Variants in PCDHA2 observed in about 807,000 individuals in gnomAD.
PCDHA2 encodes the protein protocadherin alpha-2.
Under a neutral mutation model 66.0 loss-of-function variants are expected in PCDHA2, and 58 were observed. The ratio of observed to expected loss-of-function variants is 0.88; its 90% CI spans 0.71 to 1.09. PCDHA2 has a LOEUF of 1.09. PCDHA2 is among the 50% of genes least tolerant of loss of function. The pLI, the probability that PCDHA2 is intolerant of heterozygous loss-of-function variation, is 0.00. For synonymous variants in PCDHA2, 634 were observed against 554.0 expected (o/e 1.14, Z -2.03); for missense variants, 1,267 against 1,242.3 (o/e 1.02, Z -0.30).
intron 1 of PCDHA2, chr5:140,803,077 A>T (rs782345607): frequency 2.5e-6 from 4 of 1,613,816 alleles, no homozygotes; most frequent in Non-Finnish European, 3.4e-6. Context: ...GTGGGGCTGT[A>T]CACGGGAGAG....
Position 141,010,344 on chromosome 5 carries a change from G to A in PCDHA2, c.*407G>A, listed in dbSNP as rs1011321402. On this transcript the variant is annotated 3_prime_UTR_variant, in exon 4 of 4. Coordinates refer to ENST00000526136, the MANE Select transcript of PCDHA2 (RefSeq NM_018905.3). Reference sequence around the variant, plus strand: ...CAGCTTGGGAGTTTGTGGCCACTGGGTATGTGTGGCTACCGCGGGTATGCG... The same window carrying A: ...CAGCTTGGGAGTTTGTGGCCACTGGATATGTGTGGCTACCGCGGGTATGCG... 3 of 1,518,888 alleles carry A rather than the reference G, an allele frequency of 2.0e-6. No homozygotes were observed. The Admixed American group carries it at 6.4e-5, about 33-fold the overall frequency. 94.1% of individuals were successfully genotyped at this position (1,518,888 alleles called of 1,614,324 possible).
At chr5:140,829,666 C>T in intron 1 of PCDHA2, 2 of 1,612,840 alleles carry the variant, frequency 1.2e-6, no homozygotes, top group Non-Finnish European at 1.7e-6. Flanking sequence ...CGCTGGACCA[C>T]GAGGAGCTAG....
At chr5:140,802,648 C>T in intron 1 of PCDHA2, 1 of 1,613,666 alleles carries the variant, frequency 6.2e-7, no homozygotes, top group African/African-American at 1.3e-5. Flanking sequence ...GACGCGGACG[C>T]GCAGGAGAAC....
At chr5:140,854,852 A>G (rs1161281269) in intron 1 of PCDHA2, among the ~76,000 whole-genome samples, 1 of 149,940 alleles carries the variant, frequency 6.7e-6, no homozygotes, top group African/African-American at 2.4e-5. Flanking sequence ...TGATAAAATT[A>G]CTAGATATAT....
At chr5:140,996,650 G>A (rs943173536) in intron 3 of PCDHA2, among the ~76,000 whole-genome samples, 2 of 152,042 alleles carry the variant, frequency 1.3e-5, no homozygotes, top group Non-Finnish European at 2.9e-5. Context: ...GTTAATCCTG[G>A]GTGCAGGCTA....
chr5:140,937,493 C>T (rs1158473278), intron 1 of PCDHA2, among the ~76,000 whole-genome samples: 3 of 152,020 alleles, frequency 2.0e-5, no homozygotes, highest in Non-Finnish European at 2.9e-5. Flanking sequence ...GGCACATACC[C>T]GTAATCCCAG....
chr5:140,928,401 C>T, intron 1 of PCDHA2: 1 of 1,614,028 alleles, frequency 6.2e-7, no homozygotes, highest in Non-Finnish European at 8.5e-7. Flanking sequence ...TGGAATCATC[C>T]AGTGGGGCCA....
At chr5:140,803,128 G>C (rs1554122591) in intron 1 of PCDHA2, 1 of 1,613,792 alleles carries the variant, frequency 6.2e-7, no homozygotes, top group Admixed American at 1.7e-5. Context: ...GACGCCCCGC[G>C]CCATCGCCTA....
chr5:140,982,254 T>C (rs1275431812), intron 2 of PCDHA2: 9 of 774,802 alleles, frequency 1.2e-5, no homozygotes, highest in Non-Finnish European at 1.5e-5. Flanking sequence ...AGATAGAACA[T>C]GTGTGTTCCT....
At chr5:140,827,991 T>A (rs1173902795) in intron 1 of PCDHA2, 2 of 1,469,000 alleles carry the variant, frequency 1.4e-6, no homozygotes, top group African/African-American at 1.4e-5. Flanking sequence ...TGTTGAATGA[T>A]GGCGGACGCA....
At chr5:140,966,892 C>G (rs782364150) in intron 1 of PCDHA2, 4 of 1,595,414 alleles carry the variant, frequency 2.5e-6, no homozygotes, top group South Asian at 1.1e-5. Flanking sequence ...CTGCGGCCTC[C>G]CAGCTGCGAT....
chr5:141,005,031 A>G (rs2098194150), intron 3 of PCDHA2, among the ~76,000 whole-genome samples: 1 of 152,212 alleles, frequency 6.6e-6, no homozygotes, highest in South Asian at 2.1e-4. Context: ...ATAATTGCCC[A>G]TATGTGATAC....
chr5:140,803,080 CG>C, intron 1 of PCDHA2: 1 of 1,613,930 alleles, frequency 6.2e-7, no homozygotes, highest in Non-Finnish European at 8.5e-7. Context: ...GGGCTGTACA[CG>C]GGAGAGATCA....
chr5:140,808,667 C>T, intron 1 of PCDHA2: 1 of 1,612,956 alleles, frequency 6.2e-7, no homozygotes, highest in Non-Finnish European at 8.5e-7. Flanking sequence ...GTCCTACTCG[C>T]TGGTAGAGCG....
Position 140,853,252 on chromosome 5 carries a change from C to T in PCDHA2, c.2388+55900C>T. 3 of 974,906 alleles carry T rather than the reference C, an allele frequency of 3.1e-6. 1 individual carries two copies. 60.4% of individuals were successfully genotyped at this position (974,906 alleles called of 1,614,324 possible). On this transcript the variant is annotated intron_variant, in intron 1 of 3. Transcript: ENST00000526136. ...TTAGTCCTTCATATTAATCTCTATT[C>T]TCTCTCAGAGTACAAGCTCTCATCA...
At chr5:140,846,705 G>A (rs1780632800) in intron 1 of PCDHA2, among the ~76,000 whole-genome samples, 1 of 149,244 alleles carries the variant, frequency 6.7e-6, no homozygotes, top group Non-Finnish European at 1.5e-5. Context: ...AGAGAAGATT[G>A]TAATAACCAG....
intron 1 of PCDHA2, among the ~76,000 whole-genome samples, chr5:140,909,091 C>T: frequency 6.6e-6 from 1 of 152,220 alleles, no homozygotes; most frequent in Non-Finnish European, 1.5e-5. Flanking sequence ...TGCTACTTCT[C>T]ACTCACTGGG....
chr5:140,923,498 C>T (rs1233893951), intron 1 of PCDHA2, among the ~76,000 whole-genome samples: 2 of 152,018 alleles, frequency 1.3e-5, no homozygotes, highest in African/African-American at 4.8e-5. Context: ...CACTGCACTC[C>T]AGCCTGGATG....
chr5:140,886,844 A>AAG (rs2061185449), intron 1 of PCDHA2, among the ~76,000 whole-genome samples: 1 of 150,634 alleles, frequency 6.6e-6, no homozygotes, highest in Non-Finnish European at 1.5e-5. Flanking sequence ...AAAAAAAAAA[A>AAG]AAAGAAAGGT....
Sources: allele counts gnomAD v4.1 joint callset (sites outside exome capture counted in the v4.1 genomes callset), GRCh38; gene constraint gnomAD v4.1.1; transcripts MANE v1.5; gene names NCBI Gene and HGNC (gene_info 2026-07-23, HGNC 2026-07-21).